Variants in PCID2 observed in about 807,000 individuals in gnomAD.
PCID2 encodes PCI domain-containing protein 2.
A neutral mutation model predicts 61.3 loss-of-function variants in PCID2; 41 were observed. That is an observed-to-expected ratio of 0.67 (90% CI 0.52 to 0.87). The LOEUF is 0.87. Ranked by LOEUF, PCID2 falls within the 40% of genes least tolerant of loss-of-function variation. The probability of loss-of-function intolerance (pLI) is 0.00; values close to 1 mark genes in which losing one functional copy is unlikely to be tolerated. For synonymous variants in PCID2, 187 were observed against 177.8 expected, an observed-to-expected ratio of 1.05 and a Z score of -0.41; for missense variants, 392 against 493.4, an observed-to-expected ratio of 0.79 and a Z score of 1.95.
chr13:113,167,131 T>C, the PCID2 span, among the ~76,000 whole-genome samples: 5 of 152,226 alleles, frequency 3.3e-5, no homozygotes, highest in Non-Finnish European at 7.3e-5. Context: ...GGTTGAAGAT[T>C]ATCTTTAGAA....
intron 7 of PCID2, chr13:113,187,998 G>C (rs2038272458): frequency 2.0e-5 from 3 of 152,220 alleles, no homozygotes; most frequent in Non-Finnish European, 2.9e-5. Flanking sequence ...TGAGCTCCTG[G>C]GGTGCAAGGA....
chr13:113,207,710 T>C (rs2040001521), intron 1 of PCID2, among the ~76,000 whole-genome samples: 1 of 152,234 alleles, frequency 6.6e-6, no homozygotes, highest in African/African-American at 2.4e-5. Flanking sequence ...TACGTATCTT[T>C]ACCCAGTTGT....
intron 13 of PCID2, chr13:113,178,620 C>A: frequency 2.8e-6 from 1 of 353,094 alleles, no homozygotes; most frequent in Non-Finnish European, 5.3e-6. Flanking sequence ...TTTAAGTAAC[C>A]TAGAGATAAT....
the PCID2 span, among the ~76,000 whole-genome samples, chr13:113,165,868 G>C: frequency 6.6e-6 from 1 of 152,092 alleles, no homozygotes; most frequent in Non-Finnish European, 1.5e-5. Flanking sequence ...GGTCACTCTT[G>C]ACACATAAAC....
At chr13:113,202,544 T>G (rs187623974) in intron 1 of PCID2, among the ~76,000 whole-genome samples, 1 of 152,312 alleles carries the variant, frequency 6.6e-6, no homozygotes, top group East Asian at 1.9e-4. Context: ...AACCATTTTT[T>G]GAAAATGAGG....
intron 2 of PCID2, 27 bp downstream of exon 2, chr13:113,200,400 A>T: frequency 1.5e-6 from 2 of 1,359,662 alleles, no homozygotes; most frequent in Non-Finnish European, 2.1e-6. Flanking sequence ...GTCTGCAGAC[A>T]CCTGTGTGCA....
At chr13:113,203,839 CA>C (rs1267717664) in intron 1 of PCID2, among the ~76,000 whole-genome samples, 1 of 152,220 alleles carries the variant, frequency 6.6e-6, no homozygotes, top group African/African-American at 2.4e-5. Flanking sequence ...GGATGGAAGG[CA>C]AAACAACCGA....
At chr13:113,169,964 G>A in the PCID2 span, among the ~76,000 whole-genome samples, 4 of 152,170 alleles carry the variant, frequency 2.6e-5, no homozygotes, top group African/African-American at 9.7e-5. Flanking sequence ...GCCTCCCTGG[G>A]CTCTCAGCTT....
chr13:113,194,795 T>A (rs958936879), intron 6 of PCID2, among the ~76,000 whole-genome samples: 2 of 152,206 alleles, frequency 1.3e-5, no homozygotes, highest in African/African-American at 4.8e-5. Context: ...GTTGTTCCAC[T>A]CACTTCATAA....
chr13:113,170,762 C>G, the PCID2 span, among the ~76,000 whole-genome samples: 1 of 152,038 alleles, frequency 6.6e-6, no homozygotes, highest in Admixed American at 6.6e-5. Flanking sequence ...GAGGAAATCA[C>G]AGCCTACATA....
At chr13:113,198,704 C>CATAA (rs530661772) in intron 2 of PCID2, among the ~76,000 whole-genome samples, 18 of 151,926 alleles carry the variant, frequency 1.2e-4, no homozygotes, top group African/African-American at 2.7e-4. Flanking sequence ...GACTCTGTCT[C>CATAA]ATAAATAAAT....
rs2040106298 is a variant in PCID2, at chr13:113,208,380, C to T, written c.36+219G>A. On this transcript the variant is annotated intron_variant, in intron 1 of 13. Transcript: ENST00000337344. ...CGACGACTCCGCGATCCACGGACAC[C>T]GCCCGGCCCCCACGGCGGCCCTGCA... 7 of 1,436,618 alleles carry T rather than the reference C, an allele frequency of 4.9e-6. No individual in the cohort carries two copies. In the South Asian group the frequency reaches 1.0e-4, roughly 21 times the overall value. The allele number at this position is 1,436,618 out of a possible 1,614,324, so 89.0% of individuals were successfully genotyped here.
chr13:113,197,150 G>C, intron 4 of PCID2, 28 bp downstream of exon 4: 1 of 1,614,138 alleles, frequency 6.2e-7, no homozygotes, highest in Non-Finnish European at 8.5e-7. Flanking sequence ...TTCTATGCGG[G>C]ACAGCTGCCA....
chr13:113,200,024 A>G (rs2039298040), intron 2 of PCID2, among the ~76,000 whole-genome samples: 1 of 152,210 alleles, frequency 6.6e-6, no homozygotes, highest in African/African-American at 2.4e-5. Context: ...TGACATGGAA[A>G]CTCCATGTAC....
intron 9 of PCID2, among the ~76,000 whole-genome samples, chr13:113,182,005 G>A (rs182413664): frequency 1.4e-4 from 21 of 152,326 alleles, no homozygotes; most frequent in Admixed American, 5.9e-4. Flanking sequence ...TAGGTGAAGA[G>A]AAGAGGCTTC....
At chr13:113,184,124 T>A in intron 9 of PCID2, 28 of 588,552 alleles carry the variant, frequency 4.8e-5, no homozygotes, top group Non-Finnish European at 6.0e-5. Flanking sequence ...ATGTCTGTAA[T>A]GCCTGTGAGA....
chr13:113,167,160 C>T, the PCID2 span, among the ~76,000 whole-genome samples: 1 of 152,176 alleles, frequency 6.6e-6, no homozygotes, highest in African/African-American at 2.4e-5. Flanking sequence ...TTTCTTACAT[C>T]CTAGGGAAGA....
At chr13:113,197,441 G>A (rs2039098910) in intron 3 of PCID2, among the ~76,000 whole-genome samples, 198 bp from the exon 4 acceptor site, 1 of 152,186 alleles carries the variant, frequency 6.6e-6, no homozygotes, top group South Asian at 2.1e-4. Context: ...ACTCTTTCAA[G>A]TCCCAGAAGG....
downstream of PCID2, chr13:113,177,421 G>C (rs1303392222): frequency 1.3e-5 from 2 of 151,178 alleles, no homozygotes; most frequent in African/African-American, 4.9e-5. Context: ...ACAGGCGTGA[G>C]CCACCACGCC....
Sources: allele counts gnomAD v4.1 joint callset (sites outside exome capture counted in the v4.1 genomes callset), GRCh38; gene constraint gnomAD v4.1.1; transcripts MANE v1.5; gene names NCBI Gene and HGNC (gene_info 2026-07-23, HGNC 2026-07-21).